HEXB: variants seen among roughly 807,000 people sequenced by gnomAD.
HEXB encodes the protein beta-hexosaminidase subunit beta.
Under a neutral mutation model 71.2 loss-of-function variants are expected in HEXB, and 51 were observed. That is an observed-to-expected ratio of 0.72 (90% CI 0.57 to 0.90). The LOEUF (loss-of-function observed/expected upper bound fraction) is 0.90. HEXB is among the 40% of genes least tolerant of loss of function. The pLI, the probability that HEXB is intolerant of heterozygous loss-of-function variation, is 0.00. For missense variants in HEXB, 617 were observed against 677.0 expected (o/e 0.91, Z 0.98); for synonymous variants, 266 against 249.3 (o/e 1.07, Z -0.63).
chr5:74,657,114 C>T (rs1024474283), intron 1 of HEXB, among the ~76,000 whole-genome samples: 2 of 152,146 alleles, frequency 1.3e-5, no homozygotes, highest in Non-Finnish European at 2.9e-5. Flanking sequence ...GGAGGCAACA[C>T]AGAACCTCCC....
chr5:74,643,669 T>C (rs1032328530), intron 1 of HEXB, among the ~76,000 whole-genome samples: 9 of 152,234 alleles, frequency 5.9e-5, no homozygotes, highest in African/African-American at 1.9e-4. Context: ...GTTAAATGTA[T>C]TAGCTGCCTT....
chr5:74,661,551 GTGTGTGTGTGTGTC>G (rs1561204861), intron 1 of HEXB, among the ~76,000 whole-genome samples: 253 of 63,640 alleles, frequency 4.0e-3, no homozygotes, highest in African/African-American at 6.2e-3. Context: ...GTGTGTGTGT[GTGTGTGTGTGTGTC>G]TCTCTCTCTC....
intron 3 of HEXB, among the ~76,000 whole-genome samples, chr5:74,695,730 A>G (rs1046694027): frequency 2.0e-5 from 3 of 150,808 alleles, no homozygotes; most frequent in Non-Finnish European, 4.4e-5. Context: ...AGTCCCAGCT[A>G]CTTGGGAGGC....
At position 74,721,115 on chromosome 5, in the gene HEXB, C is replaced by CT; in HGVS notation, c.1614-3_1614-2insT. The CT allele has an allele frequency of 6.2e-7, 1 of 1,604,748 alleles. No homozygotes were observed. The highest frequency in any genetic ancestry group is 8.5e-7 in the Non-Finnish European group (1 of 1,171,696). ...AAAATATCTTTATTCATGTTATCTA[C>CT]AGACGTGGAATAGCTGCACAACCTC... On this transcript the variant is annotated splice_polypyrimidine_tract_variant and splice_region_variant and intron_variant, in intron 13 of 13. Transcript: ENST00000261416.
chr5:74,718,741 A>G, intron 10 of HEXB, 56 bp from the exon 11 acceptor site: 5 of 1,526,944 alleles, frequency 3.3e-6, no homozygotes, highest in Non-Finnish European at 4.5e-6. Context: ...TAAACTTTCA[A>G]TTTCATCTAC....
At chr5:74,710,013 A>G (rs1352590530) in intron 6 of HEXB, among the ~76,000 whole-genome samples, 1 of 152,174 alleles carries the variant, frequency 6.6e-6, no homozygotes, top group African/African-American at 2.4e-5. Flanking sequence ...AATATCCATG[A>G]TGAACATTGA....
intron 2 of HEXB, among the ~76,000 whole-genome samples, chr5:74,692,437 G>GGGAGGTCGAGGC (rs1749024640): frequency 1.3e-5 from 2 of 151,962 alleles, no homozygotes; most frequent in Non-Finnish European, 2.9e-5. Flanking sequence ...AACCGTGATT[G>GGGAGGTCGAGGC]TGCCACTCCA....
Position 74,659,452 on chromosome 5 carries a change from T to C in HEXB, c.-377+18894T>C, listed in dbSNP as rs1748278131. 2.0e-5 allele frequency among the ~76,000 whole-genome samples: 3 copies of C among 152,130 alleles called. No individual in the cohort carries two copies. In the South Asian group the frequency reaches 6.2e-4, roughly 32 times the overall value. ...TGTCTCAGGGAAATTACAAAAATGA[T>C]AGCGGGGAAGCCACAGGTGATTCTA... is the stretch of plus-strand genomic sequence containing the variant. On this transcript the variant is annotated intron_variant, in intron 1 of 13. Coordinates refer to the HEXB transcript ENST00000511181.
upstream of HEXB, chr5:74,685,213 T>A: frequency 1.4e-6 from 2 of 1,464,854 alleles, no homozygotes; most frequent in Non-Finnish European, 1.8e-6. Context: ...GGAAGTCGGG[T>A]CCCGAGGCTC....
upstream of HEXB, among the ~76,000 whole-genome samples, chr5:74,684,284 TTC>T (rs1270615236): frequency 3.9e-5 from 6 of 152,344 alleles, 1 homozygote; most frequent in East Asian, 1.2e-3. Flanking sequence ...GTCATGTGAC[TTC>T]ACTGGCTCTT....
At chr5:74,664,082 C>T (rs909471194) in intron 1 of HEXB, among the ~76,000 whole-genome samples, 1 of 151,826 alleles carries the variant, frequency 6.6e-6, no homozygotes, top group Admixed American at 6.6e-5. Context: ...ATGGTGAAAC[C>T]CCGTCTCTAC....
intron 5 of HEXB, among the ~76,000 whole-genome samples, chr5:74,703,302 C>T (rs1749305709): frequency 6.6e-6 from 1 of 152,226 alleles, no homozygotes; most frequent in African/African-American, 2.4e-5. Flanking sequence ...CACTGGAAGT[C>T]CTTCAAGTTG....
chr5:74,696,934 C>A, intron 4 of HEXB, 62 bp from the exon 5 acceptor site: 1 of 895,108 alleles, frequency 1.1e-6, no homozygotes, highest in Non-Finnish European at 1.9e-6. Context: ...TAGATTTAGT[C>A]TTCATTGAGT....
chr5:74,672,754 C>T (rs1203505337), intron 1 of HEXB, among the ~76,000 whole-genome samples: 1 of 152,204 alleles, frequency 6.6e-6, no homozygotes, highest in Non-Finnish European at 1.5e-5. Flanking sequence ...AAATTAAGTC[C>T]TTTGTCTATT....
chr5:74,715,456 G>A, intron 7 of HEXB, 54 bp from the exon 8 acceptor site: 1 of 1,224,658 alleles, frequency 8.2e-7, no homozygotes, highest in South Asian at 1.2e-5. Flanking sequence ...TGGAAAACCA[G>A]ATCTTTATAA....
rs2112057228 is a variant in HEXB at position 74,641,396 on chromosome 5, A to G, written c.-377+838A>G. ...TATGTGTCCTCCCTCCCCACTCCCC[A>G]GTGGGTGCGGCACCCCCGGCTGGAC... On this transcript the variant is annotated intron_variant, in intron 1 of 13. Coordinates refer to the HEXB transcript ENST00000511181. This position sits in a 1 kb window ranked among gnomAD's most constrained non-coding sequence, Gnocchi z 4.1. 1 of 152,406 alleles carries G rather than the reference A, an allele frequency of 6.6e-6. No homozygotes were observed. Among genetic ancestry groups the G allele is most frequent in the South Asian group, 2.1e-4 (1 of 4,830 alleles). 9.4% of individuals were successfully genotyped at this position (152,406 alleles called of 1,614,324 possible).
intron 1 of HEXB, among the ~76,000 whole-genome samples, chr5:74,665,433 T>TAG (rs1210002842): frequency 6.6e-6 from 1 of 152,110 alleles, no homozygotes; most frequent in Non-Finnish European, 1.5e-5. Context: ...TGTGTGTGTG[T>TAG]GTGTAGGAGG....
chr5:74,678,336 T>C (rs1245696906), intron 1 of HEXB, among the ~76,000 whole-genome samples: 1 of 149,370 alleles, frequency 6.7e-6, no homozygotes, highest in African/African-American at 2.5e-5. Flanking sequence ...AATAAATAAA[T>C]AAATACCATG....
At chr5:74,711,010 C>T (rs1267139056) in intron 6 of HEXB, among the ~76,000 whole-genome samples, 24 of 151,494 alleles carry the variant, frequency 1.6e-4, no homozygotes, top group African/African-American at 4.9e-4. Flanking sequence ...AAGCTGGAGG[C>T]ATCACGCTAC....
Sources: allele counts gnomAD v4.1 joint callset (sites outside exome capture counted in the v4.1 genomes callset), GRCh38; gene constraint gnomAD v4.1.1; non-coding constraint Gnocchi (gnomAD v3.1); transcripts MANE v1.5; gene names NCBI Gene and HGNC (gene_info 2026-07-23, HGNC 2026-07-21).